The following GLIPR1 variants were observed in gnomAD, a reference collection of about 807,000 sequenced individuals.
GLIPR1 encodes the protein glioma pathogenesis-related protein 1.
In GLIPR1, 38 loss-of-function variants were observed where a neutral mutation model predicts 30.3. That is an observed-to-expected ratio of 1.26 (90% CI 0.97 to 1.65). GLIPR1 has a LOEUF of 1.65. Among genes scored for constraint, GLIPR1 ranks in the 40% most tolerant of loss-of-function variants. The probability of loss-of-function intolerance (pLI) is 0.00; values close to 1 mark genes in which losing one functional copy is unlikely to be tolerated. For missense variants in GLIPR1, 285 were observed against 326.5 expected (o/e 0.87, Z 0.98); for synonymous variants, 122 against 110.6 (o/e 1.10, Z -0.65).
intron 2 of GLIPR1, among the ~76,000 whole-genome samples, chr12:75,486,280 C>T (rs770150846): frequency 6.6e-6 from 1 of 151,478 alleles, no homozygotes; most frequent in Non-Finnish European, 1.5e-5. Flanking sequence ...TTTTTGTTTA[C>T]TACAGTAAGA....
Position 75,499,150 on chromosome 12 carries a change from A to G in GLIPR1, c.*172A>G, listed in dbSNP as rs1266282483. On this transcript the variant is annotated 3_prime_UTR_variant, in exon 6 of 6. Coordinates refer to ENST00000266659, the MANE Select transcript of GLIPR1 (RefSeq NM_006851.3). ...TTTCCTAACTCTATCAGATAAACTCATCTTTAGTATAAATAAGCATTATTT... is the reference window on the plus strand; with the variant it reads ...TTTCCTAACTCTATCAGATAAACTCGTCTTTAGTATAAATAAGCATTATTT... The G allele has an allele frequency of 4.4e-6, 2 of 456,166 alleles. No individual in the cohort carries two copies. Among genetic ancestry groups the G allele is most frequent in the African/African-American group, 4.1e-5 (2 of 48,874 alleles). 28.3% of individuals were successfully genotyped at this position (456,166 alleles called of 1,614,324 possible). A position where few individuals can be genotyped will look rare whatever the true frequency, so the allele number is the denominator to read the frequency against.
intron 2 of GLIPR1, 75 bp from the exon 3 acceptor site, chr12:75,490,328 CCAT>C: frequency 2.5e-6 from 2 of 803,946 alleles, no homozygotes; most frequent in South Asian, 3.1e-5. Flanking sequence ...GTATACCTCA[CCAT>C]GTTTATGAAG....
rs780699049 is a variant in GLIPR1, at chr12:75,482,019, A to C, written c.360A>C (p.Glu120Asp). ...CCGCCATCACAAACTGGTATGACGA[A>C]ATCCAGGACTATGACTTCAAGACTC... ...VSSAITNWYD[E>D]IQDYDFKTRI... Residue 120 changes from glutamate (E) to aspartate (D), a missense_variant, in exon 2 of 6, where the codon GAA becomes GAC. Coordinates refer to ENST00000266659, the MANE Select transcript of GLIPR1 (RefSeq NM_006851.3). 6.2e-7 allele frequency: 1 copy of C among 1,614,116 alleles called. No individual in the cohort carries two copies. The highest frequency in any genetic ancestry group is 1.7e-5 in the Admixed American group (1 of 60,032).
intron 2 of GLIPR1, among the ~76,000 whole-genome samples, chr12:75,488,477 C>T (rs982190722): frequency 6.6e-6 from 1 of 152,056 alleles, no homozygotes. Context: ...GCGGAGGTTG[C>T]AATAAGCCGA....
At chr12:75,495,760 T>G (rs1249613058) in intron 4 of GLIPR1, 98 bp downstream of exon 4, 2 of 697,532 alleles carry the variant, frequency 2.9e-6, no homozygotes, top group Non-Finnish European at 5.0e-6. Flanking sequence ...TTAACGGCTA[T>G]CTTCAAGGAA....
Position 75,499,868 on chromosome 12 carries a change from C to T in GLIPR1, c.*890C>T. ...TCCATCTTAAGTGCAATTTCTTCAGCTGTAAGAGCTCCCAGTTTCTTATTC... is the reference window on the plus strand; with the variant it reads ...TCCATCTTAAGTGCAATTTCTTCAGTTGTAAGAGCTCCCAGTTTCTTATTC... On this transcript the variant is annotated 3_prime_UTR_variant, in exon 6 of 6. Coordinates refer to ENST00000266659, the MANE Select transcript of GLIPR1 (RefSeq NM_006851.3). 6.2e-7 allele frequency: 1 copy of T among 1,608,888 alleles called. No homozygotes were observed. The highest frequency in any genetic ancestry group is 8.5e-7 in the Non-Finnish European group (1 of 1,177,716).
intron 2 of GLIPR1, among the ~76,000 whole-genome samples, chr12:75,488,578 CACA>C (rs2046304346): frequency 1.3e-5 from 2 of 152,130 alleles, no homozygotes; most frequent in Admixed American, 1.3e-4. Flanking sequence ...AACAAAAAAA[CACA>C]ACACCAAGAT....
chr12:75,485,780 G>C (rs1266237566), intron 2 of GLIPR1, among the ~76,000 whole-genome samples: 1 of 151,988 alleles, frequency 6.6e-6, no homozygotes, highest in Non-Finnish European at 1.5e-5. Context: ...TCGATCTCCT[G>C]ACCTCGTGAT....
intron 2 of GLIPR1, among the ~76,000 whole-genome samples, chr12:75,482,977 C>T (rs760904397): frequency 1.3e-4 from 20 of 152,038 alleles, no homozygotes; most frequent in Admixed American, 1.1e-3. Context: ...AAGGCAAAAA[C>T]GTTTCTATCA....
Position 75,501,984 on chromosome 12 carries a change from G to T in GLIPR1, c.*3006G>T. 1 of 1,611,408 alleles carries T rather than the reference G, an allele frequency of 6.2e-7. No homozygotes were observed. Among genetic ancestry groups the T allele is most frequent in the Non-Finnish European group, 8.5e-7 (1 of 1,178,646 alleles). ...TGCCTTCAAAAAGTATTCACCACTA[G>T]CCAATTCTTTATCGATCTGTTGAAA... On this transcript the variant is annotated 3_prime_UTR_variant, in exon 6 of 6. Coordinates refer to ENST00000266659, the MANE Select transcript of GLIPR1 (RefSeq NM_006851.3).
At chr12:75,484,996 G>A (rs556764313) in intron 2 of GLIPR1, 29 of 152,962 alleles carry the variant, frequency 1.9e-4, no homozygotes, top group Middle Eastern at 3.4e-3. Context: ...CAATCATAAT[G>A]GAAGAAGGAT....
chr12:75,481,474 G>T (rs1023678397), intron 1 of GLIPR1: 1 of 255,560 alleles, frequency 3.9e-6, no homozygotes, highest in Non-Finnish European at 7.6e-6. Context: ...ATTCAGTAAG[G>T]CTTGGGATTG....
chr12:75,499,192 G>A lies in GLIPR1; in HGVS notation c.*214G>A. The stretch of plus-strand genomic sequence containing the variant: ...GCATTATTTGCAGGTTGCCACAGGT[G>A]GACTTTTAGTAAGTAACCTAACCCA... On this transcript the variant is annotated 3_prime_UTR_variant, in exon 6 of 6. Transcript: ENST00000266659. The A allele has an allele frequency of 5.3e-6, 2 of 380,566 alleles. No homozygotes were observed. Among genetic ancestry groups the A allele is most frequent in the Non-Finnish European group, 9.3e-6 (2 of 214,304 alleles). The allele number at this position is 380,566 out of a possible 1,614,324, so 23.6% of individuals were successfully genotyped here.
Position 75,500,169 on chromosome 12 carries a change from TTTATATA to T in GLIPR1, c.*1195_*1201del, listed in dbSNP as rs2046381800. The T allele has an allele frequency of 2.9e-6, 1 of 346,474 alleles. No homozygotes were observed. The highest frequency in any genetic ancestry group is 2.2e-5 in the African/African-American group (1 of 46,480). 21.5% of individuals were successfully genotyped at this position (346,474 alleles called of 1,614,324 possible). ...TAAGATAAAACAAATCATAAAATAC[TTTATATA>T]TTAGTACAAGTATACATAAAAATGG... On this transcript the variant is annotated 3_prime_UTR_variant, in exon 6 of 6. Transcript: ENST00000266659.
rs2046346699 is a variant in GLIPR1 at position 75,495,751 on chromosome 12, T to A, written c.619+89T>A. ...TTAACAATGAAACCATGTTTTATCT[T>A]AACGGCTATCTTCAAGGAAACTGGC... On this transcript the variant is annotated intron_variant, in intron 4 of 5. Coordinates refer to ENST00000266659, the MANE Select transcript of GLIPR1 (RefSeq NM_006851.3). 3 of 767,946 alleles carry A rather than the reference T, an allele frequency of 3.9e-6. No individual in the cohort carries two copies. In the South Asian group the frequency reaches 5.3e-5, roughly 14 times the overall value. 47.6% of individuals were successfully genotyped at this position (767,946 alleles called of 1,614,324 possible). A position where few individuals can be genotyped will look rare whatever the true frequency, so the allele number is the denominator to read the frequency against.
chr12:75,499,142 A>AT lies in GLIPR1; in HGVS notation c.*165dup, dbSNP rs527365024. 341 of 470,038 alleles carry AT rather than the reference A, an allele frequency of 7.3e-4. 6 individuals carry two copies. In the South Asian group the frequency reaches 0.013, roughly 18 times the overall value. The allele number at this position is 470,038 out of a possible 1,614,324, so 29.1% of individuals were successfully genotyped here. ...AGAAGAAATTTCCTAACTCTATCAGATAAACTCATCTTTAGTATAAATAAG... is the reference window on the plus strand; with the variant it reads ...AGAAGAAATTTCCTAACTCTATCAGATTAAACTCATCTTTAGTATAAATAAG... On this transcript the variant is annotated 3_prime_UTR_variant, in exon 6 of 6. Transcript: ENST00000266659.
chr12:75,500,014 A>G lies in GLIPR1; in HGVS notation c.*1036A>G. ...GATTTTACCAAGTAAAACAAAGAAT[A>G]TATGTTTAACAAAGAATATATGTTT... On this transcript the variant is annotated 3_prime_UTR_variant, in exon 6 of 6. Coordinates refer to ENST00000266659, the MANE Select transcript of GLIPR1 (RefSeq NM_006851.3). The G allele has an allele frequency of 3.8e-6, 5 of 1,308,452 alleles. No individual in the cohort carries two copies. The Admixed American group carries it at 7.2e-5, about 19-fold the overall frequency. 81.1% of individuals were successfully genotyped at this position (1,308,452 alleles called of 1,614,324 possible).
At chr12:75,487,249 C>G (rs1050139050) in intron 2 of GLIPR1, among the ~76,000 whole-genome samples, 2 of 152,206 alleles carry the variant, frequency 1.3e-5, no homozygotes, top group Non-Finnish European at 2.9e-5. Flanking sequence ...CCAAAAGCAA[C>G]TCCAGTGACT....
At chr12:75,493,114 C>G (rs2046332541) in intron 3 of GLIPR1, 1 of 152,060 alleles carries the variant, frequency 6.6e-6, no homozygotes, top group African/African-American at 2.4e-5. Context: ...GGGAGGAAGG[C>G]AGTTGCAGAT....
Sources: allele counts gnomAD v4.1 joint callset (sites outside exome capture counted in the v4.1 genomes callset), GRCh38; gene constraint gnomAD v4.1.1; transcripts MANE v1.5; gene names NCBI Gene and HGNC (gene_info 2026-07-23, HGNC 2026-07-21).